The following CYP2C19 variants were observed in gnomAD, a reference collection of about 807,000 sequenced individuals.
CYP2C19 encodes the protein cytochrome P450 2C19.
CYP2C19 carries 59 observed loss-of-function variants against 40.9 expected under a neutral mutation model. The ratio of observed to expected loss-of-function variants is 1.44; its 90% CI spans 1.17 to 1.79. The LOEUF is 1.79. Among genes scored for constraint, CYP2C19 ranks in the 40% most tolerant of loss-of-function variants. The probability of loss-of-function intolerance (pLI) is 0.00; values close to 1 mark genes in which losing one functional copy is unlikely to be tolerated. For missense variants in CYP2C19, 754 were observed against 596.9 expected (o/e 1.26, Z -2.74); for synonymous variants, 253 against 208.7 (o/e 1.21, Z -1.83).
At chr10:94,800,715 C>T (rs1848752124) in intron 5 of CYP2C19, among the ~76,000 whole-genome samples, 1 of 152,192 alleles carries the variant, frequency 6.6e-6, no homozygotes, top group South Asian at 2.1e-4. Context: ...CTACTCAAGC[C>T]TTAGCAATGG....
At chr10:94,844,375 C>T (rs142333679) in intron 7 of CYP2C19, among the ~76,000 whole-genome samples, 4 of 152,244 alleles carry the variant, frequency 2.6e-5, no homozygotes, top group East Asian at 3.9e-4. Context: ...TGAACCCAGT[C>T]GAAAATTGAC....
intron 5 of CYP2C19, among the ~76,000 whole-genome samples, chr10:94,785,432 C>T (rs569602228): frequency 6.6e-6 from 1 of 152,230 alleles, no homozygotes; most frequent in African/African-American, 2.4e-5. Flanking sequence ...TTTCCTCGGA[C>T]TGAATGGTCT....
At chr10:94,844,940 T>G (rs771682832) in intron 7 of CYP2C19, among the ~76,000 whole-genome samples, 24 of 152,302 alleles carry the variant, frequency 1.6e-4, no homozygotes, top group East Asian at 5.8e-4. Context: ...CTGCATCTGA[T>G]GAGCTTCTTC....
At position 94,793,958 on chromosome 10, in the gene CYP2C19, G is replaced by T. The variant is rs139643280; in HGVS notation, c.819+11961G>T. On this transcript the variant is annotated intron_variant, in intron 5 of 8. Coordinates refer to ENST00000371321, the MANE Select transcript of CYP2C19 (RefSeq NM_000769.4). ...GTTCAGCTATGCCCTGCCCCCAAAG[G>T]TGTAGTCTACAGAGGCAGGCAGGCC... is the stretch of plus-strand genomic sequence containing the variant. Among the ~76,000 whole-genome samples the T allele has an allele frequency of 8.6e-3, 1,316 of 152,202 alleles. 21 individuals carry two copies. Among genetic ancestry groups the T allele is most frequent in the African/African-American group, 0.029 (1,198 of 41,540 alleles).
chr10:94,842,888 G>T lies in CYP2C19; in HGVS notation c.1013G>T (p.Cys338Phe), dbSNP rs568429823. Residue 338 changes from cysteine (C) to phenylalanine (F), a missense_variant, in exon 7 of 9, where the codon TGC becomes TTC. By Grantham distance (205) the Cys-to-Phe change is radical. Transcript: ENST00000371321. ...GTCATTGGCAGAAACCGGAGCCCCTGCATGCAGGACAGGGGCCACATGCCC... is the reference window on the plus strand; with the variant it reads ...GTCATTGGCAGAAACCGGAGCCCCTTCATGCAGGACAGGGGCCACATGCCC... ...ERVIGRNRSP[C>F]MQDRGHMPYT... 7 of 1,614,166 alleles carry T rather than the reference G, an allele frequency of 4.3e-6. No homozygotes were observed. The African/African-American group carries it at 6.7e-5, about 15-fold the overall frequency.
intron 6 of CYP2C19, among the ~76,000 whole-genome samples, chr10:94,835,882 C>A (rs1309371540): frequency 6.6e-6 from 1 of 152,118 alleles, no homozygotes; most frequent in East Asian, 1.9e-4. Flanking sequence ...TTCAAGTATT[C>A]CATTATCACT....
chr10:94,764,217 G>A (rs976852085), intron 1 of CYP2C19, among the ~76,000 whole-genome samples: 2 of 152,106 alleles, frequency 1.3e-5, no homozygotes, highest in Admixed American at 6.5e-5. Flanking sequence ...TGGCTCAGGT[G>A]GGCAGCTTTT....
chr10:94,786,888 A>G (rs951543244), intron 5 of CYP2C19, among the ~76,000 whole-genome samples: 1 of 152,002 alleles, frequency 6.6e-6, no homozygotes, highest in Non-Finnish European at 1.5e-5. Context: ...TATATACCAC[A>G]TTTTCTTTAT....
chr10:94,787,202 G>A (rs2134243513), intron 5 of CYP2C19, among the ~76,000 whole-genome samples: 1 of 152,186 alleles, frequency 6.6e-6, no homozygotes, highest in Non-Finnish European at 1.5e-5. Context: ...TGACTGGTAT[G>A]AGATGATATC....
intron 5 of CYP2C19, among the ~76,000 whole-genome samples, chr10:94,815,770 CTT>C (rs1848992642): frequency 6.6e-6 from 1 of 152,188 alleles, no homozygotes; most frequent in Non-Finnish European, 1.5e-5. Context: ...AACTCATTCT[CTT>C]TCTCTATAAT....
intron 5 of CYP2C19, among the ~76,000 whole-genome samples, chr10:94,785,048 G>A (rs555739905): frequency 1.2e-4 from 18 of 152,036 alleles, no homozygotes; most frequent in African/African-American, 4.3e-4. Flanking sequence ...TATTAGAATT[G>A]TTTATGTTTT....
At chr10:94,792,059 C>T (rs769975486) in intron 5 of CYP2C19, among the ~76,000 whole-genome samples, 12 of 152,088 alleles carry the variant, frequency 7.9e-5, no homozygotes, top group Non-Finnish European at 1.6e-4. Context: ...GTATTGGGTG[C>T]ATATATATTT....
rs1052115302 is a variant in CYP2C19 at position 94,854,897 on chromosome 10, A to G, written c.*1983A>G. The stretch of plus-strand genomic sequence containing the variant: ...CATTAATGGAAAGATACAGATGGAA[A>G]TTACACATTATACATTTTAAACATT... On this transcript the variant is annotated 3_prime_UTR_variant, in exon 9 of 9. Transcript: ENST00000371321. Among the ~76,000 whole-genome samples the G allele has an allele frequency of 1.3e-5, 2 of 152,216 alleles. No individual in the cohort carries two copies. Among genetic ancestry groups the G allele is most frequent in the African/African-American group, 4.8e-5 (2 of 41,458 alleles).
chr10:94,804,597 C>T (rs762325355), intron 5 of CYP2C19, among the ~76,000 whole-genome samples: 1 of 152,194 alleles, frequency 6.6e-6, no homozygotes, highest in East Asian at 1.9e-4. Flanking sequence ...AAACAAAGTG[C>T]TCTCCCTTGA....
intron 5 of CYP2C19, among the ~76,000 whole-genome samples, chr10:94,787,039 A>C (rs975661613): frequency 6.6e-6 from 1 of 152,082 alleles, no homozygotes; most frequent in Non-Finnish European, 1.5e-5. Context: ...GCATCAAATG[A>C]TAATTTTGTT....
rs569663925 is a variant in CYP2C19 at position 94,790,749 on chromosome 10, T to C, written c.819+8752T>C. On this transcript the variant is annotated intron_variant, in intron 5 of 8. Transcript: ENST00000371321. ...TGATCGTGGTGGATAAGCTTGTTGA[T>C]GTGCTGCTGGATTCAGTTTGCCAGT... Among the ~76,000 whole-genome samples the C allele has an allele frequency of 3.1e-3, 470 of 152,278 alleles. 3 individuals are homozygous for C. The highest frequency in any genetic ancestry group is 0.011 in the African/African-American group (447 of 41,568).
chr10:94,808,875 T>C (rs974521225), intron 5 of CYP2C19, among the ~76,000 whole-genome samples: 1 of 152,198 alleles, frequency 6.6e-6, no homozygotes, highest in African/African-American at 2.4e-5. Flanking sequence ...TTAGCTATTA[T>C]AAACAGTGCT....
At chr10:94,771,705 T>C (rs1386458430) in intron 1 of CYP2C19, among the ~76,000 whole-genome samples, 2 of 152,118 alleles carry the variant, frequency 1.3e-5, no homozygotes, top group Non-Finnish European at 2.9e-5. Context: ...TGTTTCTACC[T>C]GCCCAGGAAC....
intron 8 of CYP2C19, among the ~76,000 whole-genome samples, chr10:94,851,024 G>A (rs1002687685): frequency 2.0e-5 from 3 of 152,138 alleles, no homozygotes; most frequent in African/African-American, 7.2e-5. Context: ...AACAAGGAAA[G>A]AAACCTTCCT....
Sources: allele counts gnomAD v4.1 joint callset (sites outside exome capture counted in the v4.1 genomes callset), GRCh38; gene constraint gnomAD v4.1.1; transcripts MANE v1.5; gene names NCBI Gene and HGNC (gene_info 2026-07-23, HGNC 2026-07-21).